The following ELFN2 variants were observed in gnomAD, a reference collection of about 807,000 sequenced individuals.
ELFN2 encodes the protein extracellular leucine rich repeat and fibronectin type III domain containing 2.
A neutral mutation model predicts 45.5 loss-of-function variants in ELFN2; 17 were observed. The ratio of observed to expected loss-of-function variants is 0.37; its 90% CI spans 0.26 to 0.56. ELFN2 has a LOEUF of 0.56. Among genes scored for constraint, ELFN2 ranks in the 20% least tolerant of loss-of-function variants. ELFN2 has a pLI of 0.77. For synonymous variants in ELFN2, 550 were observed against 551.5 expected (o/e 1.00, Z 0.04); for missense variants, 922 against 1,183.2 (o/e 0.78, Z 3.24).
chr22:37,356,555 A>G (rs1230620338), intron 1 of ELFN2, among the ~76,000 whole-genome samples: 2 of 151,854 alleles, frequency 1.3e-5, no homozygotes, highest in Non-Finnish European at 2.9e-5. Flanking sequence ...TACGTTTCAC[A>G]CTCCTGGCCA....
intron 2 of ELFN2, among the ~76,000 whole-genome samples, chr22:37,387,704 G>A (rs1025594919): frequency 3.3e-5 from 5 of 152,032 alleles, no homozygotes; most frequent in African/African-American, 2.4e-5. Context: ...GCGGCCCCTC[G>A]GGCTCCTCTG....
intron 2 of ELFN2, among the ~76,000 whole-genome samples, chr22:37,411,075 C>T (rs1413884727): frequency 1.3e-5 from 2 of 152,218 alleles, no homozygotes; most frequent in East Asian, 3.9e-4. Flanking sequence ...GCACCAAGTG[C>T]TTCATAGTGT....
chr22:37,378,563 G>A (rs558267590), intron 2 of ELFN2, among the ~76,000 whole-genome samples: 36 of 152,334 alleles, frequency 2.4e-4, no homozygotes, highest in Non-Finnish European at 4.3e-4. Flanking sequence ...ACAGAGGCCC[G>A]CCGTGCCCCA....
chr22:37,364,102 C>T (rs900607337), downstream of ELFN2, among the ~76,000 whole-genome samples: 2 of 152,306 alleles, frequency 1.3e-5, no homozygotes, highest in African/African-American at 4.8e-5. Context: ...GATTCCCCAG[C>T]CCCACAGTCT....
At position 37,371,306 on chromosome 22, in the gene ELFN2, ACTCCCCAAATC is replaced by A. The variant is rs1435067871; in HGVS notation, c.*1755_*1765del. On this transcript the variant is annotated 3_prime_UTR_variant, in exon 3 of 3. Transcript: ENST00000402918. The surrounding 1 kb of genome is among the most constrained non-coding windows in gnomAD (Gnocchi z 6.4). ...GTGCCTACCCTCGCCCCTCAGTCAC[ACTCCCCAAATC>A]TCAGGAAACCCATGTGGGCCACAGG... 5 of 151,718 alleles carry A rather than the reference ACTCCCCAAATC, an allele frequency of 3.3e-5. No homozygotes were observed. The highest frequency in any genetic ancestry group is 1.2e-4 in the African/African-American group (5 of 41,170). The allele number at this position is 151,718 out of a possible 1,614,324, so 9.4% of individuals were successfully genotyped here. A position where few individuals can be genotyped will look rare whatever the true frequency, so the allele number is the denominator to read the frequency against.
chr22:37,402,444 G>A (rs1357496398), intron 2 of ELFN2, among the ~76,000 whole-genome samples: 2 of 152,134 alleles, frequency 1.3e-5, no homozygotes, highest in East Asian at 1.9e-4. Flanking sequence ...GCAGTGACCC[G>A]GCCCCGGTGA....
At chr22:37,382,586 G>C (rs1384901935) in intron 2 of ELFN2, among the ~76,000 whole-genome samples, 1 of 127,314 alleles carries the variant, frequency 7.9e-6, no homozygotes, top group Non-Finnish European at 1.6e-5. Flanking sequence ...AGCTAGCTCT[G>C]TCACCCAGGC....
chr22:37,373,159 C>T lies in ELFN2; in HGVS notation c.2376G>A (p.Leu792=). The change falls in exon 3 of 3, where the codon CTG becomes CTA. Residue 792 remains leucine, a synonymous_variant. Transcript: ENST00000402918. ...EEVYMAAGHA[L]RKKVQFAKDE... The stretch of plus-strand genomic sequence containing the variant: ...CCTTGGCGAACTGGACCTTCTTGCG[C>T]AGGGCGTGACCGGCGGCCATGTACA... 6.2e-7 allele frequency: 1 copy of T among 1,613,780 alleles called. No individual in the cohort carries two copies. The highest frequency in any genetic ancestry group is 8.5e-7 in the Non-Finnish European group (1 of 1,179,932).
intron 2 of ELFN2, among the ~76,000 whole-genome samples, chr22:37,402,772 G>A (rs905602696): frequency 2.6e-5 from 4 of 152,164 alleles, no homozygotes; most frequent in African/African-American, 9.7e-5. Flanking sequence ...CCAGGGGCTC[G>A]GTGGGTCCCA....
intron 2 of ELFN2, among the ~76,000 whole-genome samples, chr22:37,391,790 G>T (rs1201077182): frequency 1.3e-5 from 2 of 152,206 alleles, no homozygotes; most frequent in Non-Finnish European, 1.5e-5. Flanking sequence ...TCTGAGAAAT[G>T]ACCTGTGCCC....
intron 2 of ELFN2, among the ~76,000 whole-genome samples, chr22:37,384,494 C>T (rs2145649894): frequency 6.6e-6 from 1 of 150,872 alleles, no homozygotes; most frequent in Admixed American, 6.6e-5. Context: ...GCCTCCCACA[C>T]CTGATCCCAC....
rs1932773692 is a variant in ELFN2, at chr22:37,417,541, C to T, written c.-463+228G>A. Among the ~76,000 whole-genome samples, 1 of 152,200 alleles carries T rather than the reference C, an allele frequency of 6.6e-6. No homozygotes were observed. Among genetic ancestry groups the T allele is most frequent in the South Asian group, 2.1e-4 (1 of 4,836 alleles). ...CTTCCTGCCCACCCTCCCCAGTGGG[C>T]TTGTCTTAGCCCCCAACAGGCCTGC... On this transcript the variant is annotated intron_variant, in intron 2 of 2. Transcript: ENST00000402918. This position sits in a 1 kb window ranked among gnomAD's most constrained non-coding sequence, Gnocchi z 4.5.
rs1472379878 is a variant in ELFN2, at chr22:37,385,644, A to G, written c.-462-9648T>C. ...TTATGAGGCCAGCAACAAGGGGGGAACCCCAGAGTGGGGACACGTAGAAAC... is the reference window on the plus strand; with the variant it reads ...TTATGAGGCCAGCAACAAGGGGGGAGCCCCAGAGTGGGGACACGTAGAAAC... On this transcript the variant is annotated intron_variant, in intron 2 of 2. Transcript: ENST00000402918. Among the ~76,000 whole-genome samples, 3 of 152,234 alleles carry G rather than the reference A, an allele frequency of 2.0e-5. No individual in the cohort carries two copies. In the East Asian group the frequency reaches 5.8e-4, roughly 29 times the overall value.
intron 2 of ELFN2, among the ~76,000 whole-genome samples, chr22:37,396,865 T>C (rs922248442): frequency 6.6e-5 from 10 of 152,174 alleles, no homozygotes; most frequent in Non-Finnish European, 1.2e-4. Context: ...CACTGGAAGA[T>C]GAAGATCAGA....
chr22:37,424,682 G>GA (rs11431554), intron 1 of ELFN2, among the ~76,000 whole-genome samples: 1 of 81,574 alleles, frequency 1.2e-5, no homozygotes, highest in African/African-American at 3.5e-5. Context: ...GAGGGCGGCG[G>GA]GGGGGGGGAT....
rs191253015 is a variant in ELFN2 at position 37,423,636 on chromosome 22, C to T, written c.-614+3662G>A. Among the ~76,000 whole-genome samples, 8 of 152,270 alleles carry T rather than the reference C, an allele frequency of 5.3e-5. No homozygotes were observed. In the East Asian group the frequency reaches 9.7e-4, roughly 18 times the overall value. On this transcript the variant is annotated intron_variant, in intron 1 of 2. Coordinates refer to ENST00000402918, the MANE Select transcript of ELFN2 (RefSeq NM_052906.5). The stretch of plus-strand genomic sequence containing the variant: ...CGCCCATAAAGAGCTTCGAACCGGG[C>T]CTGGCTCTCAGTAGGGGCTCAATAA...
intron 2 of ELFN2, among the ~76,000 whole-genome samples, chr22:37,400,912 G>A (rs749384023): frequency 1.3e-5 from 2 of 152,240 alleles, no homozygotes; most frequent in Non-Finnish European, 2.9e-5. Context: ...TGGCGAAAAC[G>A]GTCACAGGTT....
rs779087085 is a variant in ELFN2 at position 37,375,486 on chromosome 22, G to A, written c.49C>T (p.Pro17Ser). 6.3e-6 allele frequency: 10 copies of A among 1,593,022 alleles called. No homozygotes were observed. The highest frequency in any genetic ancestry group is 8.5e-6 in the Non-Finnish European group (10 of 1,170,352). The part of the protein sequence containing the change: ...CAAALLCVCR[P>S]GAVRADCWLI... ...CAGCAGTCGGCACGCACGGCACCCG[G>A]CCGGCACACGCACAGCAGCGCCGCC... Residue 17 changes from proline to serine, a missense_variant, in exon 3 of 3, where the codon CCG (proline) becomes TCG (serine). By Grantham distance (74) the Pro-to-Ser change is moderately conservative (BLOSUM62 -1). Coordinates refer to ENST00000402918, the MANE Select transcript of ELFN2 (RefSeq NM_052906.5).
intron 2 of ELFN2, among the ~76,000 whole-genome samples, chr22:37,342,187 G>C (rs572799151): frequency 1.3e-5 from 2 of 152,170 alleles, no homozygotes; most frequent in Non-Finnish European, 2.9e-5. Flanking sequence ...GAAGAGGCAC[G>C]GAGAAGCGGA....
Sources: allele counts gnomAD v4.1 joint callset (sites outside exome capture counted in the v4.1 genomes callset), GRCh38; gene constraint gnomAD v4.1.1; non-coding constraint Gnocchi (gnomAD v3.1); transcripts MANE v1.5; gene names NCBI Gene and HGNC (gene_info 2026-07-23, HGNC 2026-07-21).